ZNF461: variants seen among roughly 807,000 people sequenced by gnomAD.
The protein encoded by ZNF461 is gonadotropin-inducible ovarian transcription factor-1.
ZNF461 carries 16 observed loss-of-function variants against 18.3 expected under a neutral mutation model. The ratio of observed to expected loss-of-function variants is 0.88; its 90% CI spans 0.59 to 1.33. The LOEUF (loss-of-function observed/expected upper bound fraction) is 1.33, where lower values mean the gene tolerates loss of function less well. ZNF461 is among the 40% of genes most tolerant of loss of function. ZNF461 has a pLI of 0.00. For missense variants in ZNF461, 595 were observed against 669.9 expected, an observed-to-expected ratio of 0.89 and a Z score of 1.23; for synonymous variants, 179 against 216.9, an observed-to-expected ratio of 0.83 and a Z score of 1.54.
Position 36,638,920 on chromosome 19 carries a change from A to G in ZNF461, c.1425T>C (p.Gly475=), listed in dbSNP as rs1264805910. ...GGTGTGAATGAAGTCTAAAGGCCTT[A>G]CCACATATCATGCATTCATGAGGTT... ...GEKPHECMIC[G]KAFRLHSHLI... is the part of the protein sequence containing the mutation. The change falls in exon 6 of 6, where the codon GGT becomes GGC. Residue 475 remains glycine, a synonymous_variant. Transcript: ENST00000588268. The G allele has an allele frequency of 1.2e-6, 2 of 1,605,924 alleles. No individual in the cohort carries two copies. The highest frequency in any genetic ancestry group is 1.7e-6 in the Non-Finnish European group (2 of 1,174,648).
chr19:36,663,209 G>A (rs375471024), intron 2 of ZNF461, among the ~76,000 whole-genome samples: 1 of 152,122 alleles, frequency 6.6e-6, no homozygotes, highest in African/African-American at 2.4e-5. Flanking sequence ...TAGAGACAGG[G>A]TCTTGCTATG....
intron 4 of ZNF461, among the ~76,000 whole-genome samples, chr19:36,649,131 T>C (rs977376887): frequency 6.6e-6 from 1 of 151,822 alleles, no homozygotes. Flanking sequence ...ATAACGAAAA[T>C]ATCCAAGGTA....
rs371959901 is a variant in ZNF461 at position 36,639,183 on chromosome 19, G to A, written c.1162C>T (p.Arg388Trp). The stretch of plus-strand genomic sequence containing the variant: ...TAGCTAAAGGCCTTCCCACATTCCC[G>A]ACATTCATAGGGTTTCTCACCAGTA... ...IHTGEKPYEC[R>W]ECGKAFSYHS... The change falls in exon 6 of 6, where the codon CGG becomes TGG. Residue 388 changes from arginine to tryptophan, a missense_variant. By Grantham distance (101) the Arg-to-Trp change is moderately radical. Transcript: ENST00000588268. 5.8e-5 allele frequency: 93 copies of A among 1,598,344 alleles called. No homozygotes were observed. The African/African-American group carries it at 8.7e-4, about 15-fold the overall frequency.
At chr19:36,646,217 G>A (rs1218848799) in intron 4 of ZNF461, among the ~76,000 whole-genome samples, 4 of 151,186 alleles carry the variant, frequency 2.6e-5, no homozygotes, top group Non-Finnish European at 4.4e-5. Flanking sequence ...TGCAACTTCC[G>A]ACTCCCAGGT....
At chr19:36,644,708 C>A (rs1170854482) in intron 4 of ZNF461, among the ~76,000 whole-genome samples, 1 of 151,956 alleles carries the variant, frequency 6.6e-6, no homozygotes, top group Non-Finnish European at 1.5e-5. Flanking sequence ...CAATTCTCTG[C>A]CTCAGCCTCC....
In ZNF461 at chr19:36,638,942, G is replaced by C; in HGVS notation, c.1403C>G (p.Pro468Arg). The change falls in exon 6 of 6, where the codon CCT becomes CGT. Residue 468 changes from proline to arginine, a missense_variant. Physicochemically the swap from Pro to Arg is moderately radical, Grantham distance 103. Coordinates refer to ENST00000588268, the MANE Select transcript of ZNF461 (RefSeq NM_153257.5). Reference sequence around the variant, plus strand: ...CTTACCACATATCATGCATTCATGAGGTTTCTCACCAGTATGAATTCTCTG... The same window carrying C: ...CTTACCACATATCATGCATTCATGACGTTTCTCACCAGTATGAATTCTCTG... ...RHQRIHTGEK[P>R]HECMICGKAF... The C allele has an allele frequency of 6.2e-7, 1 of 1,613,954 alleles. No homozygotes were observed. Among genetic ancestry groups the C allele is most frequent in the Non-Finnish European group, 8.5e-7 (1 of 1,180,006 alleles).
In ZNF461 at chr19:36,639,340, C is replaced by T. The variant is rs756637455; in HGVS notation, c.1005G>A (p.Gly335=). 13 of 1,613,912 alleles carry T rather than the reference C, an allele frequency of 8.1e-6. No individual in the cohort carries two copies. In the East Asian group the frequency reaches 2.5e-4, roughly 30 times the overall value. Reference sequence around the variant, plus strand: ...GTTGAAAGCCACGAATAAAAGCCTTCCCACATTGCTTACATTCATAGGGTT... The same window carrying T: ...GTTGAAAGCCACGAATAAAAGCCTTTCCACATTGCTTACATTCATAGGGTT... ...GEKPYECKQC[G]KAFIRGFQLT... is the part of the protein sequence containing the mutation. The change falls in exon 6 of 6, where the codon GGG becomes GGA. Residue 335 remains glycine, a synonymous_variant. Coordinates refer to ENST00000588268, the MANE Select transcript of ZNF461 (RefSeq NM_153257.5).
At chr19:36,654,887 G>A (rs2037689572) in intron 4 of ZNF461, among the ~76,000 whole-genome samples, 3 of 152,042 alleles carry the variant, frequency 2.0e-5, no homozygotes, top group African/African-American at 7.2e-5. Context: ...GATTCTATTA[G>A]AACATCCATC....
rs1165821555 is a variant in ZNF461, at chr19:36,639,121, A to G, written c.1224T>C (p.Ser408=). The G allele has an allele frequency of 6.2e-7, 1 of 1,613,948 alleles. No homozygotes were observed. The highest frequency in any genetic ancestry group is 1.1e-5 in the South Asian group (1 of 91,076). The change falls in exon 6 of 6, where the codon TCT becomes TCC. Residue 408 remains serine, a synonymous_variant. Coordinates refer to ENST00000588268, the MANE Select transcript of ZNF461 (RefSeq NM_153257.5). ...SSFSHHQKIH[S]GKKPYECHEC... ...CATGACATTCATAAGGTTTCTTGCC[A>G]GAATGAATTTTCTGATGGTGTGAGA... is the stretch of plus-strand genomic sequence containing the variant.
chr19:36,663,353 C>T (rs1008537516), intron 2 of ZNF461, among the ~76,000 whole-genome samples: 10 of 151,998 alleles, frequency 6.6e-5, no homozygotes, highest in Admixed American at 1.3e-4. Flanking sequence ...TATAGTTGTT[C>T]GCCCATCCTT....
In ZNF461 at chr19:36,639,931, T is replaced by C; in HGVS notation, c.414A>G (p.Arg138=). The part of the protein sequence containing the change: ...MEEFKSHSPE[R]SIFSAIWEGN... ...CTTCCCAGATAGCGCTGAAAATTGA[T>C]CTCTCAGGACTATGGCTTTTAAATT... Residue 138 remains arginine (R), a synonymous_variant, in exon 6 of 6, where the codon AGA becomes AGG. Coordinates refer to ENST00000588268, the MANE Select transcript of ZNF461 (RefSeq NM_153257.5). 1.2e-6 allele frequency: 2 copies of C among 1,613,896 alleles called. No homozygotes were observed. The highest frequency in any genetic ancestry group is 8.5e-7 in the Non-Finnish European group (1 of 1,179,864).
At chr19:36,641,015 A>G (rs937071638) in intron 5 of ZNF461, among the ~76,000 whole-genome samples, 10 of 152,288 alleles carry the variant, frequency 6.6e-5, no homozygotes, top group Admixed American at 4.6e-4. Flanking sequence ...TCTGTCAACA[A>G]TTAGGACATG....
At chr19:36,665,044 A>G (rs1232187396) in intron 1 of ZNF461, among the ~76,000 whole-genome samples, 1 of 152,186 alleles carries the variant, frequency 6.6e-6, no homozygotes, top group East Asian at 1.9e-4. Context: ...AGGCCAGCCC[A>G]TTGTCCCAAT....
chr19:36,639,877 T>C lies in ZNF461; in HGVS notation c.468A>G (p.Gly156=). 1 of 1,613,908 alleles carries C rather than the reference T, an allele frequency of 6.2e-7. No individual in the cohort carries two copies. The highest frequency in any genetic ancestry group is 8.5e-7 in the Non-Finnish European group (1 of 1,179,872). Residue 156 remains glycine (G), a synonymous_variant, in exon 6 of 6, where the codon GGA becomes GGG. Transcript: ENST00000588268. ...GTTGTCTAAAATAACCCTCCTCTTGTCCCTGATGTTGCTCAAAATGACAGT... is the reference window on the plus strand; with the variant it reads ...GTTGTCTAAAATAACCCTCCTCTTGCCCCTGATGTTGCTCAAAATGACAGT... ...EGNCHFEQHQ[G]QEEGYFRQLM...
chr19:36,638,483 G>C lies in ZNF461; in HGVS notation c.*170C>G, dbSNP rs1166599341. ...CAATAATGGTTAATACAATAACTCA[G>C]AAACAGCATTAAAATGAGACCAAAA... On this transcript the variant is annotated 3_prime_UTR_variant, in exon 6 of 6. Transcript: ENST00000588268. The C allele has an allele frequency of 3.8e-6, 2 of 527,856 alleles. No individual in the cohort carries two copies. Among genetic ancestry groups the C allele is most frequent in the Non-Finnish European group, 6.5e-6 (2 of 309,198 alleles). 32.7% of individuals were successfully genotyped at this position (527,856 alleles called of 1,614,324 possible).
rs542746062 is a variant in ZNF461 at position 36,649,105 on chromosome 19, G to C, written c.233-5243C>G. Among the ~76,000 whole-genome samples, 13 of 152,222 alleles carry C rather than the reference G, an allele frequency of 8.5e-5. No individual in the cohort carries two copies. In the East Asian group the frequency reaches 1.9e-3, roughly 23 times the overall value. ...GCTCAAATTGATTAAATAGAATCAA[G>C]ACTCTCTGAAACATAATAACGAAAA... On this transcript the variant is annotated intron_variant, in intron 4 of 5. Coordinates refer to ENST00000588268, the MANE Select transcript of ZNF461 (RefSeq NM_153257.5).
chr19:36,664,579 G>T (rs1360500296), intron 2 of ZNF461, 119 bp downstream of exon 2: 80 of 730,342 alleles, frequency 1.1e-4, no homozygotes, highest in Non-Finnish European at 1.6e-4. Context: ...CTGGGAGACA[G>T]CGAGGCTATG....
intron 1 of ZNF461, among the ~76,000 whole-genome samples, chr19:36,665,967 G>C (rs2037916788): frequency 2.0e-5 from 3 of 152,074 alleles, no homozygotes; most frequent in Admixed American, 6.5e-5. Flanking sequence ...CTGAGCCTTA[G>C]ATGTGTGCAC....
chr19:36,650,199 T>G (rs2037602487), intron 4 of ZNF461, among the ~76,000 whole-genome samples: 3 of 151,840 alleles, frequency 2.0e-5, no homozygotes, highest in Admixed American at 6.6e-5. Context: ...ATAATAATAA[T>G]AAGAATCCAT....
Sources: gnomAD v4.1 joint callset for allele counts (sites outside exome capture counted in the v4.1 genomes callset) on GRCh38, gnomAD v4.1.1 for gene constraint, MANE v1.5 for transcripts, NCBI Gene and HGNC (gene_info 2026-07-23, HGNC 2026-07-21) for gene names.